KDM2A: variants seen among roughly 807,000 people sequenced by gnomAD.
The protein encoded by KDM2A is lysine demethylase 2A.
Under a neutral mutation model 137.3 loss-of-function variants are expected in KDM2A, and 3 were observed. The ratio of observed to expected loss-of-function variants is 0.02; its 90% CI spans 0.01 to 0.06. KDM2A has a LOEUF of 0.06. Ranked by LOEUF, KDM2A falls within the 10% of genes least tolerant of loss-of-function variation. KDM2A has a pLI of 1.00. For missense variants in KDM2A, 738 were observed against 1,510.6 expected (o/e 0.49, Z 8.48); for synonymous variants, 512 against 541.5 (o/e 0.95, Z 0.76).
chr11:67,170,763 C>G (rs559965429), intron 2 of KDM2A, among the ~76,000 whole-genome samples: 1 of 152,202 alleles, frequency 6.6e-6, no homozygotes, highest in African/African-American at 2.4e-5. Flanking sequence ...ACTGGTCCCA[C>G]CACTACACCT....
chr11:67,187,855 G>A lies in KDM2A; in HGVS notation c.307+5963G>A, dbSNP rs553118416. ...TTCCAAGGTGCTGGGGATTATAGGC[G>A]TGAGCCATGGCACCGGGCCCTAAAA... On this transcript the variant is annotated intron_variant, in intron 5 of 20. Transcript: ENST00000529006. Among the ~76,000 whole-genome samples the A allele has an allele frequency of 3.5e-3, 526 of 152,210 alleles. 2 individuals carry two copies. Among genetic ancestry groups the A allele is most frequent in the Admixed American group, 6.0e-3 (91 of 15,260 alleles).
At chr11:67,216,934 A>G (rs1858180661) in intron 8 of KDM2A, among the ~76,000 whole-genome samples, 1 of 151,078 alleles carries the variant, frequency 6.6e-6, no homozygotes, top group Non-Finnish European at 1.5e-5. Context: ...AAAGAAACAA[A>G]CAACAACAAC....
chr11:67,183,880 A>G (rs1016883522), intron 5 of KDM2A, among the ~76,000 whole-genome samples: 3 of 151,666 alleles, frequency 2.0e-5, no homozygotes, highest in Non-Finnish European at 4.4e-5. Flanking sequence ...AGGCTGAGGC[A>G]GGTGGATTGC....
chr11:67,130,859 C>G (rs1855838669), intron 2 of KDM2A, among the ~76,000 whole-genome samples: 1 of 148,156 alleles, frequency 6.7e-6, no homozygotes, highest in African/African-American at 2.6e-5. Flanking sequence ...CGTTTTAAAC[C>G]TTGATTTTTT....
chr11:67,224,439 C>G (rs75987494), intron 10 of KDM2A, among the ~76,000 whole-genome samples: 413 of 149,862 alleles, frequency 2.8e-3, no homozygotes, highest in African/African-American at 9.9e-3. Context: ...AGACCCTGTC[C>G]GTACCAAAAA....
intron 2 of KDM2A, among the ~76,000 whole-genome samples, chr11:67,138,768 G>A (rs1462774902): frequency 3.3e-5 from 5 of 152,130 alleles, no homozygotes; most frequent in Non-Finnish European, 4.4e-5. Flanking sequence ...TACCCCAAAC[G>A]TACTGAATCA....
chr11:67,146,820 T>G (rs1856258810), intron 2 of KDM2A, among the ~76,000 whole-genome samples: 1 of 152,136 alleles, frequency 6.6e-6, no homozygotes, highest in Non-Finnish European at 1.5e-5. Flanking sequence ...TAATATTGGT[T>G]ATAAACTCTA....
In KDM2A at chr11:67,250,442, G is replaced by A. The variant is rs1859380916; in HGVS notation, c.2412G>A (p.Gln804=). 6.2e-7 allele frequency: 1 copy of A among 1,613,924 alleles called. No homozygotes were observed. The highest frequency in any genetic ancestry group is 8.5e-7 in the Non-Finnish European group (1 of 1,179,904). The change falls in exon 17 of 21, where the codon CAG becomes CAA. Residue 804 remains glutamine (Q), a synonymous_variant. Coordinates refer to ENST00000529006, the MANE Select transcript of KDM2A (RefSeq NM_012308.3). This position sits in a 1 kb window ranked among gnomAD's most constrained non-coding sequence, Gnocchi z 7.1. ...IRGSYLTVTL[Q]RPTKELHGTS... ...GATCGTACCTCACTGTCACGCTACA[G>A]AGGCCCACCAAAGAGCTCCACGGGA...
intron 2 of KDM2A, among the ~76,000 whole-genome samples, chr11:67,126,673 A>G (rs573093835): frequency 2.7e-5 from 4 of 148,336 alleles, no homozygotes; most frequent in Non-Finnish European, 5.9e-5. Flanking sequence ...ACACCACTGC[A>G]CTCCAGCCTG....
At chr11:67,240,466 G>T in intron 12 of KDM2A, 2 of 1,011,342 alleles carry the variant, frequency 2.0e-6, no homozygotes, top group Non-Finnish European at 1.4e-6. Flanking sequence ...TGCCTGCCGG[G>T]CGAGTCCAGG....
chr11:67,208,528 T>C (rs1212537880), intron 6 of KDM2A, among the ~76,000 whole-genome samples: 1 of 151,954 alleles, frequency 6.6e-6, no homozygotes, highest in Non-Finnish European at 1.5e-5. Context: ...CCCAGCACTT[T>C]GGGATCCGAG....
At chr11:67,214,207 A>ATTTCTTT (rs1858084704) in intron 6 of KDM2A, among the ~76,000 whole-genome samples, 1 of 103,334 alleles carries the variant, frequency 9.7e-6, no homozygotes, top group African/African-American at 4.1e-5. Flanking sequence ...TGCGCAGCTA[A>ATTTCTTT]TTTTTTTTTT....
Position 67,256,273 on chromosome 11 carries a change from A to G in KDM2A, c.*1218A>G, listed in dbSNP as rs1859610187. Reference sequence around the variant, plus strand: ...CCACCGCCCTTTGTTGAGCCCCATCAGCTGCCCCCTTTTACTTTGCATTGA... The same window carrying G: ...CCACCGCCCTTTGTTGAGCCCCATCGGCTGCCCCCTTTTACTTTGCATTGA... On this transcript the variant is annotated 3_prime_UTR_variant, in exon 21 of 21. Coordinates refer to ENST00000529006, the MANE Select transcript of KDM2A (RefSeq NM_012308.3). 6.6e-6 allele frequency: 1 copy of G among 152,670 alleles called. No individual in the cohort carries two copies. Among genetic ancestry groups the G allele is most frequent in the African/African-American group, 2.4e-5 (1 of 41,416 alleles). 9.5% of individuals were successfully genotyped at this position (152,670 alleles called of 1,614,324 possible). A position where few individuals can be genotyped will look rare whatever the true frequency, so the allele number is the denominator to read the frequency against.
At chr11:67,242,952 G>C in intron 12 of KDM2A, 57 bp from the exon 13 acceptor site, 1 of 1,331,666 alleles carries the variant, frequency 7.5e-7, no homozygotes, top group Non-Finnish European at 1.1e-6. Context: ...TGTTCAGGGT[G>C]GTTGGCTCTT....
intron 5 of KDM2A, among the ~76,000 whole-genome samples, chr11:67,203,789 T>TC (rs1464861862): frequency 1.3e-5 from 2 of 150,452 alleles, no homozygotes; most frequent in African/African-American, 4.9e-5. Context: ...TCCTCTACAT[T>TC]CTTTTTTTTT....
chr11:67,220,505 A>G (rs1010540133), intron 10 of KDM2A, among the ~76,000 whole-genome samples: 1 of 152,220 alleles, frequency 6.6e-6, no homozygotes, highest in African/African-American at 2.4e-5. Context: ...ATAAATGTAT[A>G]TACTGTCTTT....
intron 5 of KDM2A, among the ~76,000 whole-genome samples, chr11:67,200,212 G>C (rs1406277982): frequency 6.6e-6 from 1 of 151,694 alleles, no homozygotes; most frequent in Non-Finnish European, 1.5e-5. Flanking sequence ...AATATTGTTT[G>C]TGTGGTTTTT....
At position 67,250,675 on chromosome 11, in the gene KDM2A, G is replaced by C; in HGVS notation, c.2645G>C (p.Gly882Ala). ...EGGAARLNGR[G>A]SWAQDGDESW... is the part of the protein sequence containing the mutation. ...GGTGCAGCCAGGCTGAATGGCCGGG[G>C]CAGTTGGGCTCAGGATGGAGACGAA... The change falls in exon 17 of 21, where the codon GGC (glycine) becomes GCC (alanine). Residue 882 changes from glycine (G) to alanine (A), a missense_variant. Gly to Ala is a moderately conservative substitution (Grantham distance 60). Transcript: ENST00000529006. The surrounding 1 kb of genome is among the most constrained non-coding windows in gnomAD (Gnocchi z 7.1). 6.2e-7 allele frequency: 1 copy of C among 1,604,368 alleles called. No individual in the cohort carries two copies. Among genetic ancestry groups the C allele is most frequent in the African/African-American group, 1.3e-5 (1 of 74,916 alleles).
At chr11:67,194,048 ATT>A (rs1733693908) in intron 5 of KDM2A, among the ~76,000 whole-genome samples, 1 of 152,226 alleles carries the variant, frequency 6.6e-6, no homozygotes, top group African/African-American at 2.4e-5. Context: ...TATTTTTAAA[ATT>A]TAATCTCATT....
Sources: allele counts gnomAD v4.1 joint callset (sites outside exome capture counted in the v4.1 genomes callset), GRCh38; gene constraint gnomAD v4.1.1; non-coding constraint Gnocchi (gnomAD v3.1); transcripts MANE v1.5; gene names NCBI Gene and HGNC (gene_info 2026-07-23, HGNC 2026-07-21).